OXSR1: variants seen among roughly 807,000 people sequenced by gnomAD.
OXSR1 encodes the protein serine/threonine-protein kinase OSR1.
A neutral mutation model predicts 79.8 loss-of-function variants in OXSR1; 24 were observed. The ratio of observed to expected loss-of-function variants is 0.30; its 90% CI spans 0.22 to 0.42. The LOEUF is 0.42. OXSR1 is among the 10% of genes least tolerant of loss of function. The probability of loss-of-function intolerance (pLI) is 1.00; values close to 1 mark genes in which losing one functional copy is unlikely to be tolerated. For missense variants in OXSR1, 430 were observed against 618.4 expected, an observed-to-expected ratio of 0.70 and a Z score of 3.23; for synonymous variants, 226 against 209.2, an observed-to-expected ratio of 1.08 and a Z score of -0.69.
upstream of OXSR1, chr3:38,165,420 A>C: frequency 5.9e-6 from 1 of 169,096 alleles, no homozygotes; most frequent in East Asian, 1.8e-4. Context: ...TAGCTTGCTC[A>C]CTTTACATCC....
At chr3:38,223,970 C>A in intron 7 of OXSR1, 57 bp downstream of exon 7, 1 of 1,017,528 alleles carries the variant, frequency 9.8e-7, no homozygotes, top group Non-Finnish European at 1.5e-6. Context: ...TTTTCAGAGC[C>A]ATTTGCCAGT....
At position 38,251,485 on chromosome 3, in the gene OXSR1, G is replaced by A. The variant is rs764900495; in HGVS notation, c.1444+14G>A. ...ATTTAGTAATAGGTAACTCCATTGC[G>A]TTCTGCTCATGTGCTCCTGTGTCTC... On this transcript the variant is annotated intron_variant, in intron 16 of 17. Coordinates refer to ENST00000311806, the MANE Select transcript of OXSR1 (RefSeq NM_005109.3). The A allele has an allele frequency of 3.7e-6, 6 of 1,602,876 alleles. No individual in the cohort carries two copies. The highest frequency in any genetic ancestry group is 1.1e-5 in the South Asian group (1 of 90,854).
chr3:38,199,898 G>A (rs780719592), intron 4 of OXSR1, among the ~76,000 whole-genome samples: 33 of 152,272 alleles, frequency 2.2e-4, no homozygotes, highest in South Asian at 6.2e-4. Flanking sequence ...GTGCCAGTGG[G>A]GCTTCCATTC....
At chr3:38,243,490 T>C (rs955900637) in intron 12 of OXSR1, among the ~76,000 whole-genome samples, 1 of 152,202 alleles carries the variant, frequency 6.6e-6, no homozygotes, top group Non-Finnish European at 1.5e-5. Context: ...AAACAGATTC[T>C]TATTGGGCTG....
At chr3:38,209,096 AT>A (rs1021517563) in intron 4 of OXSR1, among the ~76,000 whole-genome samples, 11 of 147,192 alleles carry the variant, frequency 7.5e-5, no homozygotes, top group East Asian at 2.0e-4. Context: ...TAGTAGTCTG[AT>A]TTTTTTTTTC....
At chr3:38,235,178 C>T (rs555378461) in intron 10 of OXSR1, among the ~76,000 whole-genome samples, 3 of 152,208 alleles carry the variant, frequency 2.0e-5, no homozygotes, top group South Asian at 4.1e-4. Flanking sequence ...GATGGTTGCA[C>T]AACTTTGAAT....
rs2125857661 is a variant in OXSR1 at position 38,252,936 on chromosome 3, G to GT, written c.*46dup. 6.7e-7 allele frequency: 1 copy of GT among 1,484,458 alleles called. No homozygotes were observed. The highest frequency in any genetic ancestry group is 2.3e-5 in the East Asian group (1 of 44,220). The allele number at this position is 1,484,458 out of a possible 1,614,324, so 92.0% of individuals were successfully genotyped here. On this transcript the variant is annotated 3_prime_UTR_variant, in exon 18 of 18. Coordinates refer to ENST00000311806, the MANE Select transcript of OXSR1 (RefSeq NM_005109.3). ...CGGCCTAAGGAGATTCCACACATGC[G>GT]TATCTCTGTTGCTTCTATTGGCCTA...
intron 4 of OXSR1, among the ~76,000 whole-genome samples, chr3:38,213,584 A>G (rs920683802): frequency 2.0e-5 from 3 of 152,206 alleles, no homozygotes; most frequent in African/African-American, 4.8e-5. Context: ...ATATGTGAAT[A>G]CTGGTTCATT....
chr3:38,166,857 A>C (rs1701474793), intron 1 of OXSR1, among the ~76,000 whole-genome samples: 1 of 151,836 alleles, frequency 6.6e-6, no homozygotes, highest in Non-Finnish European at 1.5e-5. Context: ...GATAAACAAG[A>C]TGTTCTGATA....
chr3:38,242,520 A>G (rs1363041676), intron 11 of OXSR1, among the ~76,000 whole-genome samples: 5 of 152,226 alleles, frequency 3.3e-5, no homozygotes, highest in Non-Finnish European at 1.5e-5. Context: ...TTTAAAATTG[A>G]TAAGTACATT....
chr3:38,189,334 T>C (rs1207766509), intron 2 of OXSR1, among the ~76,000 whole-genome samples: 3 of 152,208 alleles, frequency 2.0e-5, no homozygotes, highest in African/African-American at 7.2e-5. Flanking sequence ...TTTCCTCTTA[T>C]GTGTACTTAC....
Position 38,188,340 on chromosome 3 carries a change from A to G in OXSR1, c.184-2391A>G, listed in dbSNP as rs9847326. Among the ~76,000 whole-genome samples the G allele has an allele frequency of 1.8e-3, 269 of 152,232 alleles. 3 individuals are homozygous for G. The highest frequency in any genetic ancestry group is 5.9e-3 in the African/African-American group (246 of 41,526). ...TATCTCGACTCTTCCCTTTTCATTCATACTGTCACTAACTTTTTTAACCTT... is the reference window on the plus strand; with the variant it reads ...TATCTCGACTCTTCCCTTTTCATTCGTACTGTCACTAACTTTTTTAACCTT... On this transcript the variant is annotated intron_variant, in intron 2 of 17. Transcript: ENST00000311806.
chr3:38,174,184 T>G (rs983039625), intron 1 of OXSR1, among the ~76,000 whole-genome samples: 2 of 152,168 alleles, frequency 1.3e-5, no homozygotes, highest in African/African-American at 4.8e-5. Context: ...GTCCTGATTG[T>G]CAGGTTGTAA....
chr3:38,224,847 G>T lies in OXSR1; in HGVS notation c.836+143G>T. ...AAAGTATACAGAGACCATTATACTG[G>T]ATTGGAAATGAATTGATTTCTGCCT... On this transcript the variant is annotated intron_variant, in intron 8 of 17. Coordinates refer to ENST00000311806, the MANE Select transcript of OXSR1 (RefSeq NM_005109.3). 8.9e-6 allele frequency: 5 copies of T among 561,458 alleles called. No homozygotes were observed. In the South Asian group the frequency reaches 1.0e-4, roughly 12 times the overall value. 34.8% of individuals were successfully genotyped at this position (561,458 alleles called of 1,614,324 possible). A position where few individuals can be genotyped will look rare whatever the true frequency, so the allele number is the denominator to read the frequency against.
intron 13 of OXSR1, 122 bp from the exon 14 acceptor site, chr3:38,247,534 CTGGGGATTAGTA>C: frequency 1.7e-6 from 1 of 604,326 alleles, no homozygotes; most frequent in East Asian, 2.7e-5. Context: ...AGGGAATGTC[CTGGGGATTAGTA>C]TGACCTCAGC....
rs139332153 is a variant in OXSR1 at position 38,205,143 on chromosome 3, C to G, written c.434+6280C>G. Among the ~76,000 whole-genome samples the G allele has an allele frequency of 1.2e-3, 175 of 151,580 alleles. 1 individual carries two copies. Among genetic ancestry groups the G allele is most frequent in the African/African-American group, 3.3e-3 (137 of 41,314 alleles). ...CAGATTCTCTCTCTGTGCCCTGCAG[C>G]TACTTCTGGGAAATGGGGAAGGGGT... On this transcript the variant is annotated intron_variant, in intron 4 of 17. Transcript: ENST00000311806.
Position 38,223,901 on chromosome 3 carries a change from TC to T in OXSR1, c.692del (p.Pro231HisfsTer3). ...ATGAAPYHKY[P>X]PMKVLMLTLQ... ...CAGGGGCGGCTCCTTATCATAAATATCCACCAATGAAGGTGAGGCTTGTATT... is the reference window on the plus strand; with the variant it reads ...CAGGGGCGGCTCCTTATCATAAATATCACCAATGAAGGTGAGGCTTGTATT... On this transcript the variant is annotated frameshift_variant, in exon 7 of 18. Transcript: ENST00000311806. LOFTEE classifies it high-confidence loss of function. 1 of 1,597,262 alleles carries T rather than the reference TC, an allele frequency of 6.3e-7. No homozygotes were observed. Among genetic ancestry groups the T allele is most frequent in the Non-Finnish European group, 8.6e-7 (1 of 1,167,900 alleles).
intron 6 of OXSR1, among the ~76,000 whole-genome samples, chr3:38,222,251 A>G (rs1337915167): frequency 6.6e-6 from 1 of 152,166 alleles, no homozygotes; most frequent in Non-Finnish European, 1.5e-5. Context: ...CTAGGGGAGG[A>G]GGATAACTGC....
intron 9 of OXSR1, among the ~76,000 whole-genome samples, 186 bp downstream of exon 9, chr3:38,229,921 G>A (rs1031906280): frequency 2.0e-5 from 3 of 152,086 alleles, no homozygotes; most frequent in Non-Finnish European, 4.4e-5. Context: ...TAGTAAATCC[G>A]TTTTTAAATA....
Sources: gnomAD v4.1 joint callset for allele counts (sites outside exome capture counted in the v4.1 genomes callset) on GRCh38, gnomAD v4.1.1 for gene constraint, MANE v1.5 for transcripts, NCBI Gene and HGNC (gene_info 2026-07-23, HGNC 2026-07-21) for gene names.